Variants in GTF2I observed in about 807,000 individuals in gnomAD.
GTF2I encodes general transcription factor II-I.
GTF2I carries 12 observed loss-of-function variants against 67.6 expected under a neutral mutation model. The observed-to-expected ratio is 0.18, with a 90% confidence interval of 0.11 to 0.29. The LOEUF (loss-of-function observed/expected upper bound fraction) is 0.29, where lower values mean the gene tolerates loss of function less well. GTF2I is among the 10% of genes least tolerant of loss of function. GTF2I has a pLI of 1.00. For synonymous variants in GTF2I, 149 were observed against 197.0 expected (o/e 0.76, Z 2.04); for missense variants, 271 against 580.1 (o/e 0.47, Z 5.47).
chr7:74,665,329 A>T (rs587776119), intron 1 of GTF2I, among the ~76,000 whole-genome samples: 1 of 151,848 alleles, frequency 6.6e-6, no homozygotes, highest in African/African-American at 2.4e-5. Flanking sequence ...TCAGCTCACT[A>T]CAACCCCTGC....
At chr7:74,703,410 C>A (rs924157167) in intron 6 of GTF2I, among the ~76,000 whole-genome samples, 1 of 151,720 alleles carries the variant, frequency 6.6e-6, no homozygotes, top group Non-Finnish European at 1.5e-5. Context: ...GACAGAGTCT[C>A]GCTGTGTCAC....
At chr7:74,714,969 C>A in intron 10 of GTF2I, 53 bp downstream of exon 10, 1 of 1,086,520 alleles carries the variant, frequency 9.2e-7, no homozygotes, top group Non-Finnish European at 1.4e-6. Flanking sequence ...TTAATGTTTC[C>A]TTATATTGCA....
At chr7:74,680,390 G>T (rs1554393831) in intron 1 of GTF2I, among the ~76,000 whole-genome samples, 1 of 151,686 alleles carries the variant, frequency 6.6e-6, no homozygotes, top group African/African-American at 2.4e-5. Context: ...TTTTATGAGG[G>T]TAATGATAAG....
At chr7:74,687,323 C>T (rs1720722218) in intron 1 of GTF2I, among the ~76,000 whole-genome samples, 1 of 152,262 alleles carries the variant, frequency 6.6e-6, no homozygotes, top group Non-Finnish European at 1.5e-5. Flanking sequence ...CTCCTGGGCT[C>T]AAGCGATTCT....
chr7:74,658,537 G>A (rs1269813702), intron 1 of GTF2I, among the ~76,000 whole-genome samples: 20 of 150,136 alleles, frequency 1.3e-4, no homozygotes, highest in Non-Finnish European at 2.5e-4. Flanking sequence ...CCAGGCCCGA[G>A]CCGTCGTGGG....
At position 74,737,280 on chromosome 7, in the gene GTF2I, C is replaced by T. The variant is rs587603476; in HGVS notation, c.1619+597C>T. ...GAAGGCAAGGATGGCACACCCAGCTCGGTCACTTGTGCATCCAGAAGAGAT... is the reference window on the plus strand; with the variant it reads ...GAAGGCAAGGATGGCACACCCAGCTTGGTCACTTGTGCATCCAGAAGAGAT... On this transcript the variant is annotated intron_variant, in intron 18 of 34. Coordinates refer to ENST00000573035, the MANE Select transcript of GTF2I (RefSeq NM_032999.4). 2.2e-4 allele frequency among the ~76,000 whole-genome samples: 33 copies of T among 149,618 alleles called. 3 individuals are homozygous for T. Among genetic ancestry groups the T allele is most frequent in the Non-Finnish European group, 4.3e-4 (29 of 66,866 alleles).
chr7:74,710,457 T>A (rs1554402304), intron 8 of GTF2I, among the ~76,000 whole-genome samples: 1 of 152,192 alleles, frequency 6.6e-6, no homozygotes, highest in Non-Finnish European at 1.5e-5. Context: ...GACCTTCATA[T>A]GAGTGGAATT....
In GTF2I at chr7:74,691,051, G is replaced by A; in HGVS notation, c.178G>A (p.Glu60Lys). Reference protein sequence around the residue: ...YETDVFVVGTERGRAFVNTRK... With the variant: ...YETDVFVVGTKRGRAFVNTRK... ...AACAGACGTGTTTGTCGTCGGAACT[G>A]AAAGAGGACGTGCTTTTGTCAATAC... is the stretch of plus-strand genomic sequence containing the variant. Residue 60 changes from glutamate (E) to lysine (K), a missense_variant, in exon 3 of 35, where the codon GAA (glutamate) becomes AAA (lysine). Glu to Lys is a moderately conservative substitution (Grantham distance 56). This residue lies in a region of GTF2I where 72 missense variants were observed against 87.4 expected (regional missense o/e 0.82). Transcript: ENST00000573035. 1 of 1,612,876 alleles carries A rather than the reference G, an allele frequency of 6.2e-7. No homozygotes were observed. Among genetic ancestry groups the A allele is most frequent in the Non-Finnish European group, 8.5e-7 (1 of 1,179,008 alleles).
chr7:74,684,809 GT>G (rs1787556410), intron 1 of GTF2I: 1 of 152,176 alleles, frequency 6.6e-6, no homozygotes, highest in Non-Finnish European at 1.5e-5. Context: ...TGTAGCGTCT[GT>G]CCCCCATTTC....
intron 1 of GTF2I, among the ~76,000 whole-genome samples, chr7:74,660,180 C>CTTTTTTTTTTTT (rs34002417): frequency 7.4e-6 from 1 of 135,826 alleles, no homozygotes. Context: ...AAGGTCTTCT[C>CTTTTTTTTTTTT]TTTTTTTTTT....
chr7:74,675,853 T>C (rs1025574211), intron 1 of GTF2I, among the ~76,000 whole-genome samples: 5 of 151,864 alleles, frequency 3.3e-5, no homozygotes, highest in Non-Finnish European at 7.4e-5. Context: ...CTACTAAAAA[T>C]ACAAAAATTA....
At chr7:74,702,062 C>T (rs1789852789) in intron 6 of GTF2I, among the ~76,000 whole-genome samples, 2 of 152,078 alleles carry the variant, frequency 1.3e-5, no homozygotes, top group African/African-American at 2.4e-5. Flanking sequence ...TCTGTTGATC[C>T]AGTCATCAGT....
chr7:74,669,575 G>T (rs1475513023), intron 1 of GTF2I, among the ~76,000 whole-genome samples: 10 of 145,354 alleles, frequency 6.9e-5, no homozygotes, highest in Non-Finnish European at 1.1e-4. Context: ...TCCCTCTGTT[G>T]CCCAGGCTGG....
chr7:74,661,303 G>A (rs998712444), intron 1 of GTF2I, among the ~76,000 whole-genome samples: 1 of 152,150 alleles, frequency 6.6e-6, no homozygotes, highest in Non-Finnish European at 1.5e-5. Context: ...GCTGCTTCCC[G>A]GACAGCCCTT....
intron 12 of GTF2I, among the ~76,000 whole-genome samples, chr7:74,721,203 G>A (rs1247708156): frequency 1.3e-5 from 2 of 152,160 alleles, no homozygotes; most frequent in South Asian, 2.1e-4. Flanking sequence ...CGCCATGCTC[G>A]GCTAATTTTG....
At chr7:74,659,174 T>C (rs1261824632) in intron 1 of GTF2I, among the ~76,000 whole-genome samples, 3 of 152,046 alleles carry the variant, frequency 2.0e-5, no homozygotes, top group African/African-American at 7.2e-5. Context: ...CCTCCCACCT[T>C]GGCCCCCCAT....
intron 10 of GTF2I, 43 bp from the exon 11 acceptor site, chr7:74,716,851 C>T (rs1554403733): frequency 2.3e-6 from 3 of 1,286,236 alleles, no homozygotes; most frequent in Non-Finnish European, 3.4e-6. Context: ...CTTTCAATGT[C>T]AGTTTTTATT....
chr7:74,726,885 A>AT (rs1793869061), intron 12 of GTF2I: 1 of 149,606 alleles, frequency 6.7e-6, no homozygotes, highest in Non-Finnish European at 1.5e-5. Flanking sequence ...AGATAGATAG[A>AT]ATGAGACCCT....
At chr7:74,668,602 C>T (rs1805192301) in intron 1 of GTF2I, among the ~76,000 whole-genome samples, 1 of 151,798 alleles carries the variant, frequency 6.6e-6, no homozygotes, top group Non-Finnish European at 1.5e-5. Flanking sequence ...GAGATGGAGT[C>T]TCACTCTGTC....
Sources: gnomAD v4.1 joint callset for allele counts (sites outside exome capture counted in the v4.1 genomes callset) on GRCh38, gnomAD v4.1.1 for gene constraint, gnomAD v4.1.1 regional missense constraint, MANE v1.5 for transcripts, NCBI Gene and HGNC (gene_info 2026-07-23, HGNC 2026-07-21) for gene names.